The following RELB variants were observed in gnomAD, a reference collection of about 807,000 sequenced individuals.
RELB encodes the protein transcription factor RelB.
In RELB, 14 loss-of-function variants were observed where a neutral mutation model predicts 55.4. That is an observed-to-expected ratio of 0.25 (90% CI 0.17 to 0.40). The LOEUF (loss-of-function observed/expected upper bound fraction) is 0.40, where lower values mean the gene tolerates loss of function less well. Ranked by LOEUF, RELB falls within the 10% of genes least tolerant of loss-of-function variation. The pLI is 1.00. For missense variants in RELB, 669 were observed against 830.7 expected, an observed-to-expected ratio of 0.81 and a Z score of 2.39; for synonymous variants, 409 against 371.3, an observed-to-expected ratio of 1.10 and a Z score of -1.17.
chr19:45,007,489 C>T (rs1971296287), intron 2 of RELB, among the ~76,000 whole-genome samples: 1 of 152,108 alleles, frequency 6.6e-6, no homozygotes, highest in Non-Finnish European at 1.5e-5. Flanking sequence ...AAGTGACTTG[C>T]CCAAGGCTGC....
rs551218061 is a variant in RELB, at chr19:45,033,020, C to T, written c.1207+271C>T. ...CTCCCCTCAGCATCCTGCACATGCC[C>T]GGGCCTGTGCTCGGTATTGCTAGAG... is the stretch of plus-strand genomic sequence containing the variant. On this transcript the variant is annotated intron_variant, in intron 9 of 11. Coordinates refer to ENST00000221452, the MANE Select transcript of RELB (RefSeq NM_006509.4). Among the ~76,000 whole-genome samples the T allele has an allele frequency of 9.2e-5, 14 of 152,232 alleles. No individual in the cohort carries two copies. The South Asian group carries it at 2.3e-3, about 25-fold the overall frequency.
intron 8 of RELB, among the ~76,000 whole-genome samples, chr19:45,032,129 G>C (rs143659816): frequency 1.3e-5 from 2 of 151,692 alleles, no homozygotes; most frequent in Non-Finnish European, 2.9e-5. Flanking sequence ...CCAGCTACTC[G>C]GGAGACTGAG....
Position 45,012,133 on chromosome 19 carries a change from C to T in RELB, c.361C>T (p.Pro121Ser). 1 of 1,557,102 alleles carries T rather than the reference C, an allele frequency of 6.4e-7. No homozygotes were observed. The highest frequency in any genetic ancestry group is 1.2e-5 in the South Asian group (1 of 84,602). Residue 121 changes from proline (P) to serine (S), a missense_variant, in exon 4 of 12, where the codon CCG (proline) becomes TCG (serine). Pro to Ser is a moderately conservative substitution (Grantham distance 74). Around this residue, in one of 3 missense-constraint regions of RELB, gnomAD observed 323 missense variants for 368.5 expected, o/e 0.88. Transcript: ENST00000221452. ...LGRLVSPAPGPGPQPHLVITE... is the reference protein window; with the variant it reads ...LGRLVSPAPGSGPQPHLVITE... ...CCGACTAGTGTCCCCAGCGCCGGGC[C>T]CGGGCCCGCAGCCGCACCTGGTCAT...
rs945577689 is a variant in RELB at position 45,025,399 on chromosome 19, C to A, written c.733C>A (p.Leu245Met). Residue 245 changes from leucine to methionine, a missense_variant, in exon 6 of 12, where the codon CTG (leucine) becomes ATG (methionine). Physicochemically the swap from Leu to Met is conservative, Grantham distance 15. Transcript: ENST00000221452. ...IEAAIERKIQLGIDPYNAGSL... is the reference protein window; with the variant it reads ...IEAAIERKIQMGIDPYNAGSL... Reference sequence around the variant, plus strand: ...GGCTGCCATTGAGCGGAAGATTCAACTGGGCATTGACCCCTACAACGGTGA... The same window carrying A: ...GGCTGCCATTGAGCGGAAGATTCAAATGGGCATTGACCCCTACAACGGTGA... 1 of 1,612,370 alleles carries A rather than the reference C, an allele frequency of 6.2e-7. No homozygotes were observed. Among genetic ancestry groups the A allele is most frequent in the Non-Finnish European group, 8.5e-7 (1 of 1,179,270 alleles).
Position 45,001,675 on chromosome 19 carries a change from G to A in RELB, c.96G>A (p.Leu32=), listed in dbSNP as rs1268047612. 2.0e-6 allele frequency: 3 copies of A among 1,520,548 alleles called. No homozygotes were observed. The highest frequency in any genetic ancestry group is 2.0e-5 in the Admixed American group (1 of 49,762). The allele number at this position is 1,520,548 out of a possible 1,614,324, so 94.2% of individuals were successfully genotyped here. A position where few individuals can be genotyped will look rare whatever the true frequency, so the allele number is the denominator to read the frequency against. ...CCAGACCGCCGGCTGCGCCGGAGCTGGGGGCCTTAGGTAAGCGGGGCTGGG... is the reference window on the plus strand; with the variant it reads ...CCAGACCGCCGGCTGCGCCGGAGCTAGGGGCCTTAGGTAAGCGGGGCTGGG... ...RVARPPAAPE[L]GALGSPDLSS... Residue 32 remains leucine, a synonymous_variant, in exon 1 of 12, where the codon CTG becomes CTA. Coordinates refer to ENST00000221452, the MANE Select transcript of RELB (RefSeq NM_006509.4).
At position 45,018,197 on chromosome 19, in the gene RELB, G is replaced by A. The variant is rs575432559; in HGVS notation, c.505-3856G>A. Among the ~76,000 whole-genome samples the A allele has an allele frequency of 1.5e-3, 227 of 152,158 alleles. 1 individual carries two copies. Among genetic ancestry groups the A allele is most frequent in the Non-Finnish European group, 1.8e-3 (123 of 68,002 alleles). On this transcript the variant is annotated intron_variant, in intron 4 of 11. Coordinates refer to ENST00000221452, the MANE Select transcript of RELB (RefSeq NM_006509.4). ...AGGCAGGCAGATCACAAGGTCAGGA[G>A]GTGGAGACCATCCTGGCTAACATGG...
chr19:45,017,671 T>C (rs1971436697), intron 4 of RELB, among the ~76,000 whole-genome samples: 1 of 151,000 alleles, frequency 6.6e-6, no homozygotes, highest in Non-Finnish European at 1.5e-5. Context: ...TCCTTTTTTT[T>C]TTTTTTTGAG....
At position 45,022,070 on chromosome 19, in the gene RELB, G is replaced by T. The variant is rs2122452305; in HGVS notation, c.522G>T (p.Gly174=). The T allele has an allele frequency of 6.2e-7, 1 of 1,611,882 alleles. No individual in the cohort carries two copies. Among genetic ancestry groups the T allele is most frequent in the Non-Finnish European group, 8.5e-7 (1 of 1,178,940 alleles). Residue 174 remains glycine (G), a synonymous_variant, in exon 5 of 12, where the codon GGG becomes GGT. Transcript: ENST00000221452. ...LPAIELRDCG[G]LREVEVTACL... The stretch of plus-strand genomic sequence containing the variant: ...TCCTGCAGCTCCGGGATTGTGGAGG[G>T]CTGCGGGAGGTGGAGGTGACTGCCT...
chr19:45,035,677 T>C (rs1971677881), intron 11 of RELB, among the ~76,000 whole-genome samples: 1 of 151,466 alleles, frequency 6.6e-6, no homozygotes. Flanking sequence ...AACACAAAAA[T>C]TAGCTGGATG....
Position 45,025,587 on chromosome 19 carries a change from C to G in RELB, c.755-19C>G, listed in dbSNP as rs1164768942. The G allele has an allele frequency of 2.5e-6, 4 of 1,613,874 alleles. No homozygotes were observed. In the South Asian group the frequency reaches 4.4e-5, roughly 18 times the overall value. On this transcript the variant is annotated intron_variant, in intron 6 of 11. Coordinates refer to ENST00000221452, the MANE Select transcript of RELB (RefSeq NM_006509.4). ...GTCTCCACTTCCCACCCTCAGCCTC[C>G]CCATATCTCCCCCGACAGCTGGGTC... is the stretch of plus-strand genomic sequence containing the variant.
chr19:45,007,026 GGGACTCTCTT>G (rs1383170638), intron 2 of RELB, among the ~76,000 whole-genome samples: 1 of 151,974 alleles, frequency 6.6e-6, no homozygotes, highest in Non-Finnish European at 1.5e-5. Context: ...GGGGGATAAG[GGGACTCTCTT>G]GGATAAAATG....
chr19:45,012,195 C>A lies in RELB; in HGVS notation c.423C>A (p.Arg141=). ...CCAAGCAGCGCGGCATGCGCTTCCG[C>A]TACGAGTGCGAGGGCCGCTCGGCCG... The part of the protein sequence containing the change: ...EQPKQRGMRF[R]YECEGRSAGS... The change falls in exon 4 of 12, where the codon CGC becomes CGA. Residue 141 remains arginine, a synonymous_variant. Transcript: ENST00000221452. 1.3e-6 allele frequency: 2 copies of A among 1,530,670 alleles called. No individual in the cohort carries two copies. Among genetic ancestry groups the A allele is most frequent in the Non-Finnish European group, 8.7e-7 (1 of 1,152,014 alleles). The allele number at this position is 1,530,670 out of a possible 1,614,324, so 94.8% of individuals were successfully genotyped here. A position where few individuals can be genotyped will look rare whatever the true frequency, so the allele number is the denominator to read the frequency against.
rs1971546773 is a variant in RELB at position 45,025,440 on chromosome 19, C to T, written c.754+20C>T. 4 of 1,600,262 alleles carry T rather than the reference C, an allele frequency of 2.5e-6. No individual in the cohort carries two copies. Among genetic ancestry groups the T allele is most frequent in the Non-Finnish European group, 3.4e-6 (4 of 1,171,354 alleles). ...ACAACGGTGAGCACCCCCTGCCTGA[C>T]CTGACCATCCCGTCCTCCCAAACCC... On this transcript the variant is annotated intron_variant, in intron 6 of 11. Transcript: ENST00000221452.
chr19:45,021,269 C>T (rs1034902615), intron 4 of RELB, among the ~76,000 whole-genome samples: 23 of 151,752 alleles, frequency 1.5e-4, no homozygotes, highest in African/African-American at 5.3e-4. Flanking sequence ...GTCAGGAGAT[C>T]GAGACCATCC....
At chr19:45,008,411 G>A (rs1276495628) in intron 2 of RELB, 4 of 456,148 alleles carry the variant, frequency 8.8e-6, no homozygotes, top group Non-Finnish European at 1.8e-5. Context: ...CTACAGCCCG[G>A]GAGCCTCTGG....
Position 45,011,920 on chromosome 19 carries a change from T to G in RELB, c.164-16T>G. On this transcript the variant is annotated splice_polypyrimidine_tract_variant and intron_variant, in intron 3 of 11. Transcript: ENST00000221452. Reference sequence around the variant, plus strand: ...TAAAGAATGGGCGTCACCACCCGTTTTTTCTTCTCCCGCAGAGATCATCGA... The same window carrying G: ...TAAAGAATGGGCGTCACCACCCGTTGTTTCTTCTCCCGCAGAGATCATCGA... 6.8e-7 allele frequency: 1 copy of G among 1,471,292 alleles called. No individual in the cohort carries two copies. The highest frequency in any genetic ancestry group is 2.7e-5 in the Admixed American group (1 of 36,966). The allele number at this position is 1,471,292 out of a possible 1,614,324, so 91.1% of individuals were successfully genotyped here.
At chr19:45,013,455 T>TAC (rs34806136) in intron 4 of RELB, among the ~76,000 whole-genome samples, 24,887 of 151,984 alleles carry the variant, frequency 0.16, 2,812 homozygotes, top group African/African-American at 0.32. Context: ...TGGTGTCTGT[T>TAC]AATCTGGATC....
At chr19:45,016,543 A>G (rs921712192) in intron 4 of RELB, among the ~76,000 whole-genome samples, 7 of 152,136 alleles carry the variant, frequency 4.6e-5, no homozygotes, top group African/African-American at 1.7e-4. Flanking sequence ...CAAAGTGGCG[A>G]ACAACTCTTG....
chr19:45,026,736 G>C (rs914050118), intron 7 of RELB, among the ~76,000 whole-genome samples: 1 of 152,052 alleles, frequency 6.6e-6, no homozygotes, highest in Non-Finnish European at 1.5e-5. Context: ...TCAGTGGCCA[G>C]AGCTTGGTCC....
Sources: gnomAD v4.1 joint callset for allele counts (sites outside exome capture counted in the v4.1 genomes callset) on GRCh38, gnomAD v4.1.1 for gene constraint, gnomAD v4.1.1 regional missense constraint, MANE v1.5 for transcripts, NCBI Gene and HGNC (gene_info 2026-07-23, HGNC 2026-07-21) for gene names.